ADCY9: variants seen among roughly 807,000 people sequenced by gnomAD.
The protein encoded by ADCY9 is adenylate cyclase type 9.
Under a neutral mutation model 101.5 loss-of-function variants are expected in ADCY9, and 50 were observed. The ratio of observed to expected loss-of-function variants is 0.49; its 90% CI spans 0.39 to 0.62. ADCY9 has a LOEUF of 0.62. Ranked by LOEUF, ADCY9 falls within the 20% of genes least tolerant of loss-of-function variation. The pLI, the probability that ADCY9 is intolerant of heterozygous loss-of-function variation, is 0.00. For missense variants in ADCY9, 1,662 were observed against 1,800.4 expected, an observed-to-expected ratio of 0.92 and a Z score of 1.39; for synonymous variants, 905 against 769.3, an observed-to-expected ratio of 1.18 and a Z score of -2.92.
At chr16:4,111,268 T>C (rs535735650) in intron 2 of ADCY9, among the ~76,000 whole-genome samples, 2 of 148,928 alleles carry the variant, frequency 1.3e-5, no homozygotes, top group African/African-American at 2.5e-5. Context: ...ACACCCAGTA[T>C]TGGGGTTTTT....
chr16:4,040,824 T>G (rs1452550579), intron 2 of ADCY9, among the ~76,000 whole-genome samples: 3 of 152,202 alleles, frequency 2.0e-5, no homozygotes, highest in African/African-American at 7.2e-5. Flanking sequence ...TACACGAGTC[T>G]TTTCACCTAT....
Position 4,094,297 on chromosome 16 carries a change from T to A in ADCY9, c.1693+19453A>T, listed in dbSNP as rs144851963. Among the ~76,000 whole-genome samples, 123 of 152,288 alleles carry A rather than the reference T, an allele frequency of 8.1e-4. 1 individual carries two copies. The highest frequency in any genetic ancestry group is 2.8e-3 in the African/African-American group (118 of 41,562). On this transcript the variant is annotated intron_variant, in intron 2 of 10. Coordinates refer to ENST00000294016, the MANE Select transcript of ADCY9 (RefSeq NM_001116.4). Reference sequence around the variant, plus strand: ...GGTTCGGAATCACACTTTCTCTGTGTGATTTCACAACTCGGGTCTTTGTCC... The same window carrying A: ...GGTTCGGAATCACACTTTCTCTGTGAGATTTCACAACTCGGGTCTTTGTCC...
chr16:3,984,551 G>GA (rs1255468432), intron 6 of ADCY9, among the ~76,000 whole-genome samples: 3 of 152,196 alleles, frequency 2.0e-5, no homozygotes, highest in African/African-American at 4.8e-5. Context: ...TACAGATTGG[G>GA]AGGCCAAGGC....
At chr16:4,081,687 C>G (rs567105548) in intron 2 of ADCY9, among the ~76,000 whole-genome samples, 100 of 151,128 alleles carry the variant, frequency 6.6e-4, no homozygotes, top group African/African-American at 2.4e-3. Flanking sequence ...GCGGGGAGCC[C>G]CCAGGGTGCA....
Position 4,113,728 on chromosome 16 carries a change from C to G in ADCY9, c.1693+22G>C, listed in dbSNP as rs760057079. The stretch of plus-strand genomic sequence containing the variant: ...AATCAGGATCAGGGAGGGGGGATGC[C>G]GAGGTAAAGCAGTGCACATACCTTT... On this transcript the variant is annotated intron_variant, in intron 2 of 10. Transcript: ENST00000294016. 8 of 1,591,756 alleles carry G rather than the reference C, an allele frequency of 5.0e-6. No homozygotes were observed. The East Asian group carries it at 1.4e-4, about 27-fold the overall frequency.
chr16:4,104,089 C>T (rs2057061126), intron 2 of ADCY9, among the ~76,000 whole-genome samples: 1 of 152,184 alleles, frequency 6.6e-6, no homozygotes, highest in East Asian at 1.9e-4. Context: ...AAACCACGGT[C>T]GTTCAGGCTT....
intron 2 of ADCY9, among the ~76,000 whole-genome samples, chr16:4,063,672 A>G (rs926864670): frequency 5.9e-5 from 9 of 151,598 alleles, no homozygotes; most frequent in Admixed American, 5.3e-4. Context: ...GTATCGCACC[A>G]CTGCACTCCA....
intron 2 of ADCY9, among the ~76,000 whole-genome samples, chr16:4,097,547 A>ATTT (rs1393767540): frequency 2.1e-5 from 1 of 46,694 alleles, no homozygotes; most frequent in Admixed American, 2.2e-4. Flanking sequence ...ATATATATAT[A>ATTT]TATATATTTT....
intron 3 of ADCY9, among the ~76,000 whole-genome samples, chr16:3,997,439 A>C (rs983728856): frequency 3.3e-5 from 5 of 152,184 alleles, no homozygotes; most frequent in Admixed American, 2.6e-4. Flanking sequence ...CAGGTGGGGA[A>C]CTCAGTGCTT....
At chr16:4,041,929 T>TG (rs2056630175) in intron 2 of ADCY9, among the ~76,000 whole-genome samples, 1 of 144,662 alleles carries the variant, frequency 6.9e-6, no homozygotes, top group African/African-American at 2.6e-5. Flanking sequence ...GTTTTTTTTT[T>TG]TTTTTTTTTT....
chr16:4,045,594 T>TAAAAAA (rs545715002), intron 2 of ADCY9, among the ~76,000 whole-genome samples: 5 of 64,962 alleles, frequency 7.7e-5, no homozygotes, highest in African/African-American at 1.1e-4. Flanking sequence ...GACTCTGCCT[T>TAAAAAA]AAAAAAAAAA....
Position 4,115,733 on chromosome 16 carries a change from G to A in ADCY9, c.-87C>T, listed in dbSNP as rs1231772459. 7.2e-6 allele frequency: 3 copies of A among 417,002 alleles called. No individual in the cohort carries two copies. The highest frequency in any genetic ancestry group is 1.3e-5 in the Non-Finnish European group (3 of 237,352). 25.8% of individuals were successfully genotyped at this position (417,002 alleles called of 1,614,324 possible). ...CCCGCCGCGTGGCCGCCGTGGCTCC[G>A]GGACCGCTTTGCTCGCTCGCCTTCC... is the stretch of plus-strand genomic sequence containing the variant. On this transcript the variant is annotated 5_prime_UTR_variant, in exon 1 of 11. Coordinates refer to ENST00000294016, the MANE Select transcript of ADCY9 (RefSeq NM_001116.4). The surrounding 1 kb of genome is among the most constrained non-coding windows in gnomAD (Gnocchi z 6.2).
intron 10 of ADCY9, among the ~76,000 whole-genome samples, chr16:3,969,569 AATATATAT>A (rs57260468): frequency 0.027 from 1,236 of 45,204 alleles, 63 homozygotes; most frequent in East Asian, 0.083. Flanking sequence ...GTTTGTTTGA[AATATATAT>A]ATATATATAT....
At chr16:4,035,283 T>C (rs1378417324) in intron 2 of ADCY9, among the ~76,000 whole-genome samples, 1 of 152,056 alleles carries the variant, frequency 6.6e-6, no homozygotes, top group East Asian at 1.9e-4. Flanking sequence ...TGCCAGGTGC[T>C]AAGTAGATAT....
At chr16:4,065,600 C>G (rs2056796398) in intron 2 of ADCY9, among the ~76,000 whole-genome samples, 1 of 152,212 alleles carries the variant, frequency 6.6e-6, no homozygotes. Flanking sequence ...GAGACGGAGT[C>G]TCACTCTGTC....
intron 2 of ADCY9, among the ~76,000 whole-genome samples, chr16:4,041,399 G>C (rs780790348): frequency 2.2e-4 from 33 of 151,918 alleles, no homozygotes; most frequent in African/African-American, 7.5e-4. Flanking sequence ...AGCTACTTGG[G>C]AGCCTGAAGC....
intron 2 of ADCY9, among the ~76,000 whole-genome samples, chr16:4,045,585 ACT>A (rs1308359833): frequency 2.0e-5 from 2 of 99,158 alleles, no homozygotes; most frequent in East Asian, 6.1e-4. Flanking sequence ...ACAGAGCAAG[ACT>A]CTGCCTTAAA....
intron 2 of ADCY9, among the ~76,000 whole-genome samples, chr16:4,046,165 G>C (rs143122197): frequency 6.6e-6 from 1 of 152,050 alleles, no homozygotes; most frequent in Non-Finnish European, 1.5e-5. Flanking sequence ...TTTGTGATTC[G>C]TGTTAATGAC....
intron 2 of ADCY9, among the ~76,000 whole-genome samples, chr16:4,044,709 G>A (rs2141142067): frequency 6.6e-6 from 1 of 152,302 alleles, no homozygotes; most frequent in Middle Eastern, 3.4e-3. Flanking sequence ...AACATAGCAA[G>A]AGAGTGTCAC....
Sources: gnomAD v4.1 joint callset for allele counts (sites outside exome capture counted in the v4.1 genomes callset) on GRCh38, gnomAD v4.1.1 for gene constraint, Gnocchi (gnomAD v3.1) non-coding constraint, MANE v1.5 for transcripts, NCBI Gene and HGNC (gene_info 2026-07-23, HGNC 2026-07-21) for gene names.